The following RIN2 variants were observed in gnomAD, a reference collection of about 807,000 sequenced individuals.
The protein encoded by RIN2 is RAB5 interacting protein 2.
RIN2 carries 36 observed loss-of-function variants against 78.0 expected under a neutral mutation model. That is an observed-to-expected ratio of 0.46 (90% CI 0.35 to 0.61). The LOEUF is 0.61. RIN2 is among the 20% of genes least tolerant of loss of function. RIN2 has a pLI of 0.00. For synonymous variants in RIN2, 466 were observed against 466.8 expected (o/e 1.00, Z 0.02); for missense variants, 1,087 against 1,159.7 (o/e 0.94, Z 0.91).
At chr20:19,818,240 A>C (rs985201088) in intron 2 of RIN2, among the ~76,000 whole-genome samples, 11 of 152,254 alleles carry the variant, frequency 7.2e-5, no homozygotes, top group African/African-American at 2.4e-4. Context: ...GCTCCATTAT[A>C]ATCTTATGGC....
chr20:19,790,828 A>G (rs2034865834), intron 1 of RIN2, among the ~76,000 whole-genome samples: 1 of 151,920 alleles, frequency 6.6e-6, no homozygotes, highest in South Asian at 2.1e-4. Context: ...CTTCACCCCA[A>G]CTCTGAGATG....
intron 2 of RIN2, among the ~76,000 whole-genome samples, chr20:19,847,060 T>C (rs1375192070): frequency 6.6e-6 from 1 of 152,240 alleles, no homozygotes; most frequent in Non-Finnish European, 1.5e-5. Context: ...TTATCTCTTT[T>C]TGTAATATTG....
chr20:19,979,225 C>T (rs2042373237), intron 9 of RIN2, among the ~76,000 whole-genome samples: 1 of 152,212 alleles, frequency 6.6e-6, no homozygotes, highest in Admixed American at 6.5e-5. Context: ...CAAATCCAAA[C>T]ATGTTAGTAA....
chr20:19,911,777 G>T (rs985228091), intron 3 of RIN2, among the ~76,000 whole-genome samples: 6 of 152,152 alleles, frequency 3.9e-5, no homozygotes, highest in Non-Finnish European at 8.8e-5. Flanking sequence ...TGCAGAAAGT[G>T]CTCACGTCAA....
At chr20:19,841,091 A>G (rs570137821) in intron 2 of RIN2, among the ~76,000 whole-genome samples, 1 of 152,122 alleles carries the variant, frequency 6.6e-6, no homozygotes, top group South Asian at 2.1e-4. Context: ...TCTTTTAGAG[A>G]TAGGGTCTCA....
intron 4 of RIN2, among the ~76,000 whole-genome samples, chr20:19,938,029 A>T (rs922919351): frequency 6.6e-6 from 1 of 152,174 alleles, no homozygotes; most frequent in Admixed American, 6.5e-5. Flanking sequence ...GCCATGGTCC[A>T]TCTGCCCTCC....
At chr20:19,777,042 A>G (rs1045007445) in intron 1 of RIN2, among the ~76,000 whole-genome samples, 2 of 152,212 alleles carry the variant, frequency 1.3e-5, no homozygotes, top group African/African-American at 4.8e-5. Context: ...GACAGATAAA[A>G]TAGGAAAAGG....
At chr20:19,925,691 T>C (rs920064916) in intron 3 of RIN2, among the ~76,000 whole-genome samples, 1 of 152,142 alleles carries the variant, frequency 6.6e-6, no homozygotes, top group African/African-American at 2.4e-5. Context: ...AAAACAAAAA[T>C]TATTTCTGCT....
At chr20:19,989,974 A>G in intron 9 of RIN2, 32 bp from the exon 10 acceptor site, 1 of 1,496,382 alleles carries the variant, frequency 6.7e-7, no homozygotes, top group Non-Finnish European at 8.9e-7. Flanking sequence ...TTCTTCAGAC[A>G]ATAGTCATAG....
intron 3 of RIN2, among the ~76,000 whole-genome samples, chr20:19,928,123 G>A (rs2146086142): frequency 6.6e-6 from 1 of 152,136 alleles, no homozygotes; most frequent in African/African-American, 2.4e-5. Flanking sequence ...GGCTGGTTTC[G>A]AACTCCTGAC....
At chr20:19,890,832 G>A (rs1224529402) in intron 3 of RIN2, among the ~76,000 whole-genome samples, 2 of 152,164 alleles carry the variant, frequency 1.3e-5, no homozygotes, top group Non-Finnish European at 2.9e-5. Flanking sequence ...TAGGATTCGG[G>A]GATCTAGGCC....
intron 2 of RIN2, among the ~76,000 whole-genome samples, chr20:19,875,862 C>T (rs1027380012): frequency 6.6e-6 from 1 of 152,154 alleles, no homozygotes; most frequent in Non-Finnish European, 1.5e-5. Context: ...TTAGGGTCGG[C>T]GCAGTCCAAG....
intron 2 of RIN2, 58 bp from the exon 3 acceptor site, chr20:19,889,508 G>A: frequency 2.0e-6 from 3 of 1,468,780 alleles, no homozygotes; most frequent in Non-Finnish European, 2.8e-6. Flanking sequence ...GTGTTCTGTG[G>A]CTTAGAAAGG....
At chr20:19,783,785 T>G (rs1293533416) in intron 1 of RIN2, among the ~76,000 whole-genome samples, 2 of 151,718 alleles carry the variant, frequency 1.3e-5, no homozygotes, top group African/African-American at 4.8e-5. Context: ...GTGTGGGAGG[T>G]GCAGGGCAGG....
chr20:19,801,804 TA>T (rs1189854505), intron 2 of RIN2, among the ~76,000 whole-genome samples: 1 of 152,184 alleles, frequency 6.6e-6, no homozygotes, highest in East Asian at 1.9e-4. Context: ...TTCTTGATAA[TA>T]ATGATGACAG....
intron 9 of RIN2, among the ~76,000 whole-genome samples, chr20:19,977,987 G>A (rs1032197359): frequency 5.3e-5 from 8 of 152,070 alleles, no homozygotes; most frequent in African/African-American, 1.7e-4. Flanking sequence ...TGGGAGCAGA[G>A]GTCAACCTGA....
chr20:19,943,114 G>A (rs535666704), intron 4 of RIN2, among the ~76,000 whole-genome samples: 145 of 152,328 alleles, frequency 9.5e-4, no homozygotes, highest in Non-Finnish European at 1.7e-3. Context: ...ACTGGAGCCC[G>A]CCTGGCTCCT....
chr20:19,902,657 T>C (rs1036047130), intron 3 of RIN2, among the ~76,000 whole-genome samples: 1 of 152,118 alleles, frequency 6.6e-6, no homozygotes, highest in Non-Finnish European at 1.5e-5. Flanking sequence ...CGCTGGGTAA[T>C]TCTAAGGAAG....
intron 3 of RIN2, among the ~76,000 whole-genome samples, chr20:19,893,501 C>A (rs2038577327): frequency 6.6e-6 from 1 of 152,156 alleles, no homozygotes; most frequent in Non-Finnish European, 1.5e-5. Flanking sequence ...AGTTGCTAAC[C>A]ACTAGTAGTT....
Sources: gnomAD v4.1 joint callset for allele counts (sites outside exome capture counted in the v4.1 genomes callset) on GRCh38, gnomAD v4.1.1 for gene constraint, MANE v1.5 for transcripts, NCBI Gene and HGNC (gene_info 2026-07-23, HGNC 2026-07-21) for gene names.